GALNTL6: variants seen among roughly 807,000 people sequenced by gnomAD.
The protein encoded by GALNTL6 is polypeptide N-acetylgalactosaminyltransferase like 6, also known as polypeptide N-acetylgalactosaminyltransferase-like 6.
Under a neutral mutation model 73.7 loss-of-function variants are expected in GALNTL6, and 46 were observed. The ratio of observed to expected loss-of-function variants is 0.62; its 90% CI spans 0.49 to 0.80. The LOEUF is 0.80. GALNTL6 is among the 30% of genes least tolerant of loss of function. The probability of loss-of-function intolerance (pLI) is 0.00; values close to 1 mark genes in which losing one functional copy is unlikely to be tolerated. For missense variants in GALNTL6, 604 were observed against 755.0 expected (o/e 0.80, Z 2.34); for synonymous variants, 259 against 263.7 (o/e 0.98, Z 0.17).
chr4:172,481,977 C>A (rs565094339), intron 5 of GALNTL6, among the ~76,000 whole-genome samples: 37 of 152,276 alleles, frequency 2.4e-4, no homozygotes, highest in African/African-American at 8.7e-4. Flanking sequence ...AGGAGCCCAC[C>A]GCAGGGGGCT....
intron 5 of GALNTL6, among the ~76,000 whole-genome samples, chr4:172,405,433 ATATATATATATTTTT>A (rs1744192558): frequency 3.1e-4 from 2 of 6,406 alleles, no homozygotes; most frequent in Non-Finnish European, 9.8e-4. Flanking sequence ...ATATATATAT[ATATATATATATTTTT>A]TTTTTTTTTT....
At position 172,072,666 on chromosome 4, in the gene GALNTL6, G is replaced by A. The variant is rs547124246; in HGVS notation, c.139-156990G>A. 1.2e-4 allele frequency among the ~76,000 whole-genome samples: 18 copies of A among 152,002 alleles called. No homozygotes were observed. In the South Asian group the frequency reaches 1.2e-3, roughly 11 times the overall value. On this transcript the variant is annotated intron_variant, in intron 2 of 12. Coordinates refer to ENST00000506823, the MANE Select transcript of GALNTL6 (RefSeq NM_001034845.3). ...CTTTGTTGTTCAGGCTAAAACTTAG[G>A]GTCCTTGATTCTTCTTGCCTATATC...
chr4:173,015,009 G>T (rs1380327531), intron 11 of GALNTL6, among the ~76,000 whole-genome samples: 1 of 152,148 alleles, frequency 6.6e-6, no homozygotes, highest in Non-Finnish European at 1.5e-5. Flanking sequence ...TCCTGATAGT[G>T]ACTGAGTTCT....
chr4:172,936,019 G>A (rs1331409080), intron 9 of GALNTL6, among the ~76,000 whole-genome samples: 1 of 152,178 alleles, frequency 6.6e-6, no homozygotes, highest in African/African-American at 2.4e-5. Context: ...GAACATCGAT[G>A]TGAAAATCCT....
At chr4:172,575,041 C>T (rs1172127131) in intron 5 of GALNTL6, among the ~76,000 whole-genome samples, 2 of 152,138 alleles carry the variant, frequency 1.3e-5, no homozygotes, top group East Asian at 1.9e-4. Context: ...GGCTCCATCA[C>T]GACTGTGTGT....
chr4:172,218,513 T>G (rs1190603657), intron 2 of GALNTL6, among the ~76,000 whole-genome samples: 2 of 152,058 alleles, frequency 1.3e-5, no homozygotes, highest in African/African-American at 4.8e-5. Context: ...TTTTACCTGT[T>G]TATGGGTCCT....
At chr4:172,022,492 A>T (rs187086472) in intron 2 of GALNTL6, among the ~76,000 whole-genome samples, 5 of 152,118 alleles carry the variant, frequency 3.3e-5, no homozygotes, top group African/African-American at 9.6e-5. Context: ...TGGCCAGTTC[A>T]CTTTCTGACT....
intron 2 of GALNTL6, among the ~76,000 whole-genome samples, chr4:171,869,150 C>T (rs775635311): frequency 6.6e-6 from 1 of 152,124 alleles, no homozygotes; most frequent in African/African-American, 2.4e-5. Flanking sequence ...GCTATGGGGT[C>T]AGGACTATGT....
intron 5 of GALNTL6, among the ~76,000 whole-genome samples, chr4:172,800,427 T>C (rs1017013104): frequency 1.3e-5 from 2 of 152,210 alleles, no homozygotes; most frequent in Non-Finnish European, 2.9e-5. Flanking sequence ...TATATTCTCC[T>C]AGAATTAAAC....
chr4:171,818,302 A>C (rs575855309), intron 2 of GALNTL6, among the ~76,000 whole-genome samples: 5 of 152,018 alleles, frequency 3.3e-5, no homozygotes, highest in East Asian at 1.9e-4. Flanking sequence ...TTATTCAAGA[A>C]TATGTGAAAA....
At chr4:171,868,905 TC>T (rs1469226354) in intron 2 of GALNTL6, among the ~76,000 whole-genome samples, 10 of 152,300 alleles carry the variant, frequency 6.6e-5, no homozygotes, top group Admixed American at 4.6e-4. Flanking sequence ...GGTCTCGAAC[TC>T]CTGACCTCAG....
At chr4:171,978,567 T>C (rs1363466409) in intron 2 of GALNTL6, among the ~76,000 whole-genome samples, 1 of 152,222 alleles carries the variant, frequency 6.6e-6, no homozygotes, top group African/African-American at 2.4e-5. Flanking sequence ...ACAAGTTTCT[T>C]GAGCAGTGAG....
chr4:172,549,185 C>A (rs1156258944), intron 5 of GALNTL6, among the ~76,000 whole-genome samples: 1 of 152,140 alleles, frequency 6.6e-6, no homozygotes, highest in Non-Finnish European at 1.5e-5. Flanking sequence ...TTTCCCAACT[C>A]CCAGTCCCTG....
intron 2 of GALNTL6, among the ~76,000 whole-genome samples, chr4:171,990,308 AT>A (rs1006531083): frequency 1.3e-5 from 2 of 152,250 alleles, no homozygotes; most frequent in East Asian, 3.9e-4. Context: ...TAATTCACTT[AT>A]TTTTTTCAAT....
rs114344836 is a variant in GALNTL6 at position 172,522,833 on chromosome 4, G to C, written c.553+174144G>C. Reference sequence around the variant, plus strand: ...TCTTATGATATCTAATACATACATAGAAAAGCATAGAAATTTTGTTCTGTG... The same window carrying C: ...TCTTATGATATCTAATACATACATACAAAAGCATAGAAATTTTGTTCTGTG... On this transcript the variant is annotated intron_variant, in intron 5 of 12. Transcript: ENST00000506823. 8.4e-3 allele frequency among the ~76,000 whole-genome samples: 1,275 copies of C among 152,068 alleles called. 10 individuals carry two copies. The highest frequency in any genetic ancestry group is 0.029 in the African/African-American group (1,208 of 41,498).
In GALNTL6 at chr4:173,040,212, T is replaced by G; in HGVS notation, c.*112T>G. 1 of 782,706 alleles carries G rather than the reference T, an allele frequency of 1.3e-6. No homozygotes were observed. Among genetic ancestry groups the G allele is most frequent in the Non-Finnish European group, 2.0e-6 (1 of 512,574 alleles). The allele number at this position is 782,706 out of a possible 1,614,324, so 48.5% of individuals were successfully genotyped here. On this transcript the variant is annotated 3_prime_UTR_variant, in exon 13 of 13. Coordinates refer to ENST00000506823, the MANE Select transcript of GALNTL6 (RefSeq NM_001034845.3). ...TTTCCTCGATCCAGGAAGGCTGGTTTAAAAATTTGCAAATGCCATGTCAAA... is the reference window on the plus strand; with the variant it reads ...TTTCCTCGATCCAGGAAGGCTGGTTGAAAAATTTGCAAATGCCATGTCAAA...
chr4:172,530,748 A>T (rs1284832937), intron 5 of GALNTL6, among the ~76,000 whole-genome samples: 1 of 152,230 alleles, frequency 6.6e-6, no homozygotes, highest in African/African-American at 2.4e-5. Context: ...AAATACAAGA[A>T]ATAAAAAATA....
chr4:172,665,924 G>A (rs1731637763), intron 5 of GALNTL6, among the ~76,000 whole-genome samples: 1 of 152,058 alleles, frequency 6.6e-6, no homozygotes. Context: ...ACTATGCTAA[G>A]TATTTAAACA....
At chr4:172,201,514 T>G (rs953455005) in intron 2 of GALNTL6, among the ~76,000 whole-genome samples, 1 of 150,294 alleles carries the variant, frequency 6.7e-6, no homozygotes. Context: ...CTAGTTTTTT[T>G]TTTTTGTTTT....
Sources: allele counts gnomAD v4.1 joint callset (sites outside exome capture counted in the v4.1 genomes callset), GRCh38; gene constraint gnomAD v4.1.1; transcripts MANE v1.5; gene names NCBI Gene and HGNC (gene_info 2026-07-23, HGNC 2026-07-21).